AOPEP: variants seen among roughly 807,000 people sequenced by gnomAD.
AOPEP encodes the protein aminopeptidase O (putative).
A neutral mutation model predicts 98.1 loss-of-function variants in AOPEP; 77 were observed. That is an observed-to-expected ratio of 0.78 (90% confidence interval 0.65 to 0.95). AOPEP has a LOEUF of 0.95. Ranked by LOEUF, AOPEP falls within the 40% of genes least tolerant of loss-of-function variation. AOPEP has a pLI of 0.00. For synonymous variants in AOPEP, 346 were observed against 365.3 expected (o/e 0.95, Z 0.60); for missense variants, 1,024 against 1,024.7 (o/e 1.00, Z 0.01).
At chr9:94,992,232 C>T (rs1005644168) in intron 11 of AOPEP, among the ~76,000 whole-genome samples, 4 of 152,158 alleles carry the variant, frequency 2.6e-5, no homozygotes, top group African/African-American at 7.2e-5. Flanking sequence ...TTAAAAAGGC[C>T]AGCGTTCTTG....
intron 9 of AOPEP, among the ~76,000 whole-genome samples, chr9:94,958,306 T>G (rs1368117323): frequency 6.6e-6 from 1 of 152,190 alleles, no homozygotes; most frequent in Non-Finnish European, 1.5e-5. Flanking sequence ...AACATTTGCA[T>G]TTTTTTCATC....
At chr9:95,093,249 G>C in the AOPEP span, among the ~76,000 whole-genome samples, 1 of 152,236 alleles carries the variant, frequency 6.6e-6, no homozygotes, top group East Asian at 1.9e-4. Context: ...GGCCCTGGCA[G>C]ATGGAGGATG....
At chr9:94,952,148 G>A (rs761255771) in intron 7 of AOPEP, among the ~76,000 whole-genome samples, 9 of 152,228 alleles carry the variant, frequency 5.9e-5, no homozygotes, top group Non-Finnish European at 1.0e-4. Flanking sequence ...GTCCTCAGGT[G>A]CATAGGGCTT....
chr9:95,121,145 G>A, the AOPEP span, among the ~76,000 whole-genome samples: 1 of 152,180 alleles, frequency 6.6e-6, no homozygotes, highest in Non-Finnish European at 1.5e-5. Context: ...TTATCTGTGG[G>A]AGATGATTTA....
At chr9:94,965,244 C>G (rs1005267558) in intron 9 of AOPEP, among the ~76,000 whole-genome samples, 1 of 152,118 alleles carries the variant, frequency 6.6e-6, no homozygotes, top group Admixed American at 6.5e-5. Flanking sequence ...TGGGGTTGTC[C>G]CCCCGCTCCC....
At chr9:95,124,941 C>T in the AOPEP span, 1 of 734,778 alleles carries the variant, frequency 1.4e-6, no homozygotes, top group Non-Finnish European at 2.4e-6. Context: ...ATGGCTTAAC[C>T]TTTGTTGGGG....
chr9:94,890,801 A>G (rs1208394331), intron 5 of AOPEP, among the ~76,000 whole-genome samples: 1 of 152,152 alleles, frequency 6.6e-6, no homozygotes, highest in African/African-American at 2.4e-5. Context: ...CATTCCATTA[A>G]GGCCAGAGAA....
intron 9 of AOPEP, among the ~76,000 whole-genome samples, chr9:94,965,231 G>T (rs2059116930): frequency 6.6e-6 from 1 of 152,200 alleles, no homozygotes; most frequent in Non-Finnish European, 1.5e-5. Flanking sequence ...GCATCAGTCA[G>T]TTTGGGGTTG....
At chr9:95,092,532 C>T in the AOPEP span, among the ~76,000 whole-genome samples, 2 of 152,316 alleles carry the variant, frequency 1.3e-5, no homozygotes, top group African/African-American at 2.4e-5. Context: ...GGCACAGAGG[C>T]GACTGGGTGT....
intron 13 of AOPEP, among the ~76,000 whole-genome samples, chr9:95,014,429 G>T (rs2062816316): frequency 6.6e-6 from 1 of 151,980 alleles, no homozygotes; most frequent in South Asian, 2.1e-4. Flanking sequence ...CCTAGATCGT[G>T]CCACTGCCTT....
intron 5 of AOPEP, among the ~76,000 whole-genome samples, chr9:94,873,941 T>G (rs2046627918): frequency 6.6e-6 from 1 of 152,196 alleles, no homozygotes; most frequent in Non-Finnish European, 1.5e-5. Context: ...ATGAATAAAC[T>G]ATTAGTAGTT....
rs184931777 is a variant in AOPEP, at chr9:95,049,846, G to T, written c.2116-10848G>T. Among the ~76,000 whole-genome samples the T allele has an allele frequency of 1.1e-4, 17 of 152,308 alleles. No individual in the cohort carries two copies. The East Asian group carries it at 2.1e-3, about 19-fold the overall frequency. On this transcript the variant is annotated intron_variant, in intron 13 of 16. Coordinates refer to ENST00000375315, the MANE Select transcript of AOPEP (RefSeq NM_001193329.3). ...TTAGATCCATAGTTAACCACCACTT[G>T]TGAGTATCCATTTTGCATTTTTGAA...
chr9:95,133,838 G>T, the AOPEP span, among the ~76,000 whole-genome samples: 1 of 152,194 alleles, frequency 6.6e-6, no homozygotes, highest in Non-Finnish European at 1.5e-5. Context: ...GGTAATTTAT[G>T]ACCTTGAATC....
At chr9:94,834,399 T>A (rs2041289336) in intron 5 of AOPEP, among the ~76,000 whole-genome samples, 1 of 152,196 alleles carries the variant, frequency 6.6e-6, no homozygotes, top group African/African-American at 2.4e-5. Context: ...ATTTATGAGC[T>A]TATCAAGAAG....
At chr9:94,811,703 C>T (rs1305699643) in intron 5 of AOPEP, among the ~76,000 whole-genome samples, 1 of 152,200 alleles carries the variant, frequency 6.6e-6, no homozygotes, top group Non-Finnish European at 1.5e-5. Flanking sequence ...ACCCAGAAAG[C>T]CTGCCCAGGC....
At chr9:94,881,555 A>C (rs1392152158) in intron 5 of AOPEP, among the ~76,000 whole-genome samples, 1 of 151,942 alleles carries the variant, frequency 6.6e-6, no homozygotes, top group Non-Finnish European at 1.5e-5. Flanking sequence ...GAGTCCTCTC[A>C]AAATGTTCAG....
the AOPEP span, chr9:95,100,367 TG>T: frequency 4.3e-6 from 1 of 231,852 alleles, no homozygotes; most frequent in East Asian, 6.1e-5. Flanking sequence ...AGATCTTCAG[TG>T]GATCTATTAG....
chr9:95,133,298 T>C, the AOPEP span, among the ~76,000 whole-genome samples: 1 of 152,222 alleles, frequency 6.6e-6, no homozygotes, highest in Non-Finnish European at 1.5e-5. Context: ...ATTACGTCCT[T>C]GAACCATGAG....
At chr9:95,104,605 T>C in the AOPEP span, among the ~76,000 whole-genome samples, 1 of 152,196 alleles carries the variant, frequency 6.6e-6, no homozygotes, top group Non-Finnish European at 1.5e-5. Context: ...CTGCTTTGAA[T>C]GTGGACTGAA....
Sources: allele counts gnomAD v4.1 joint callset (sites outside exome capture counted in the v4.1 genomes callset), GRCh38; gene constraint gnomAD v4.1.1; transcripts MANE v1.5; gene names NCBI Gene and HGNC (gene_info 2026-07-23, HGNC 2026-07-21).